The following AGBL4 variants were observed in gnomAD, a reference collection of about 807,000 sequenced individuals.
AGBL4 encodes the protein cytosolic carboxypeptidase 6.
A neutral mutation model predicts 66.4 loss-of-function variants in AGBL4; 58 were observed. The ratio of observed to expected loss-of-function variants is 0.87; its 90% CI spans 0.71 to 1.09. The LOEUF (loss-of-function observed/expected upper bound fraction) is 1.09. AGBL4 is among the 50% of genes least tolerant of loss of function. AGBL4 has a pLI of 0.00. For synonymous variants in AGBL4, 234 were observed against 222.9 expected, an observed-to-expected ratio of 1.05 and a Z score of -0.44; for missense variants, 579 against 631.0, an observed-to-expected ratio of 0.92 and a Z score of 0.88.
At chr1:49,791,562 C>A (rs1379889314) in intron 2 of AGBL4, among the ~76,000 whole-genome samples, 1 of 152,036 alleles carries the variant, frequency 6.6e-6, no homozygotes, top group Non-Finnish European at 1.5e-5. Context: ...ACTACATAAT[C>A]TAATCCTTGT....
Position 48,665,160 on chromosome 1 carries a change from T to A in AGBL4, c.635-1919A>T, listed in dbSNP as rs940032805. Reference sequence around the variant, plus strand: ...CCCTGAAAGGCAGCAAGAAATATCATGGAACCAAAATATAGTCTTGAGAAC... The same window carrying A: ...CCCTGAAAGGCAGCAAGAAATATCAAGGAACCAAAATATAGTCTTGAGAAC... On this transcript the variant is annotated intron_variant, in intron 6 of 13. Transcript: ENST00000371839. 3.3e-5 allele frequency among the ~76,000 whole-genome samples: 5 copies of A among 152,298 alleles called. No homozygotes were observed. The South Asian group carries it at 8.3e-4, about 25-fold the overall frequency.
At chr1:48,590,176 G>A (rs542343974) in intron 10 of AGBL4, among the ~76,000 whole-genome samples, 28 of 152,182 alleles carry the variant, frequency 1.8e-4, no homozygotes, top group African/African-American at 5.8e-4. Flanking sequence ...AGGCCGAGGC[G>A]GGCGGATCAC....
intron 6 of AGBL4, among the ~76,000 whole-genome samples, chr1:48,834,703 G>A (rs775568012): frequency 1.3e-5 from 2 of 152,170 alleles, no homozygotes; most frequent in Non-Finnish European, 2.9e-5. Flanking sequence ...AATGTTTGTT[G>A]TTTAAGCCAC....
intron 1 of AGBL4, among the ~76,000 whole-genome samples, chr1:49,875,491 A>AT (rs1203679930): frequency 1.4e-5 from 2 of 145,102 alleles, no homozygotes; most frequent in Non-Finnish European, 3.0e-5. Flanking sequence ...TGAACTCATC[A>AT]TTTTTTATGG....
chr1:48,935,994 A>G (rs532262600), intron 5 of AGBL4, among the ~76,000 whole-genome samples: 458 of 137,040 alleles, frequency 3.3e-3, no homozygotes, highest in Non-Finnish European at 5.1e-3. Flanking sequence ...AAAAAAAAAA[A>G]AGATACAAGA....
At chr1:48,819,607 T>G (rs966574678) in intron 6 of AGBL4, among the ~76,000 whole-genome samples, 1 of 152,136 alleles carries the variant, frequency 6.6e-6, no homozygotes, top group African/African-American at 2.4e-5. Context: ...CTGGTGAAAG[T>G]TGCAAAGTGT....
In AGBL4 at chr1:49,517,590, C is replaced by T. The variant is rs557714703; in HGVS notation, c.282+179723G>A. Among the ~76,000 whole-genome samples, 12 of 151,978 alleles carry T rather than the reference C, an allele frequency of 7.9e-5. No individual in the cohort carries two copies. In the South Asian group the frequency reaches 1.2e-3, roughly 16 times the overall value. ...TATAAGCCAGGCACTATGCTAGGAGCGTTCAGAAGTACTGTCTCACTTAAT... is the reference window on the plus strand; with the variant it reads ...TATAAGCCAGGCACTATGCTAGGAGTGTTCAGAAGTACTGTCTCACTTAAT... On this transcript the variant is annotated intron_variant, in intron 3 of 13. Transcript: ENST00000371839.
Position 50,001,507 on chromosome 1 carries a change from G to GTGTA in AGBL4, c.34+22255_34+22256insTACA, listed in dbSNP as rs144388144. 4.3e-4 allele frequency among the ~76,000 whole-genome samples: 63 copies of GTGTA among 147,696 alleles called. No homozygotes were observed. In the East Asian group the frequency reaches 5.9e-3, roughly 14 times the overall value. ...TATACATATATATGTATGTGTGTGT[G>GTGTA]TATATATATATATATATGAATGTAT... is the stretch of plus-strand genomic sequence containing the variant. On this transcript the variant is annotated intron_variant, in intron 1 of 13. Coordinates refer to ENST00000371839, the MANE Select transcript of AGBL4 (RefSeq NM_032785.4).
intron 2 of AGBL4, among the ~76,000 whole-genome samples, chr1:49,786,099 A>G (rs1394845806): frequency 6.6e-6 from 1 of 152,066 alleles, no homozygotes; most frequent in Non-Finnish European, 1.5e-5. Context: ...TTTCTGGATT[A>G]CAAGAATAGC....
intron 3 of AGBL4, among the ~76,000 whole-genome samples, chr1:49,651,581 C>G (rs556495885): frequency 2.0e-5 from 3 of 152,198 alleles, no homozygotes; most frequent in African/African-American, 7.2e-5. Flanking sequence ...AGCCACCACA[C>G]AAAAGCTACC....
At chr1:49,216,916 TCCC>T (rs1215171279) in intron 4 of AGBL4, among the ~76,000 whole-genome samples, 1 of 152,048 alleles carries the variant, frequency 6.6e-6, no homozygotes, top group Middle Eastern at 3.2e-3. Context: ...ACCGTATGGC[TCCC>T]CCTCGGTCCT....
chr1:48,976,085 G>A (rs191040054), intron 5 of AGBL4, among the ~76,000 whole-genome samples: 6 of 152,246 alleles, frequency 3.9e-5, no homozygotes, highest in African/African-American at 1.4e-4. Flanking sequence ...TTGGAATATT[G>A]TTATCAGGGA....
intron 5 of AGBL4, among the ~76,000 whole-genome samples, chr1:48,945,913 T>C (rs1656463731): frequency 6.6e-6 from 1 of 152,226 alleles, no homozygotes; most frequent in African/African-American, 2.4e-5. Flanking sequence ...GAGAATTCAA[T>C]GAGTTAATAT....
chr1:48,894,367 G>A (rs1198660870), intron 5 of AGBL4, among the ~76,000 whole-genome samples: 1 of 152,148 alleles, frequency 6.6e-6, no homozygotes, highest in African/African-American at 2.4e-5. Flanking sequence ...AGTACACACA[G>A]TTAATAATGT....
intron 4 of AGBL4, among the ~76,000 whole-genome samples, chr1:49,059,028 G>A (rs1347436446): frequency 6.6e-6 from 1 of 152,204 alleles, no homozygotes; most frequent in African/African-American, 2.4e-5. Context: ...CATTTTCTGG[G>A]GAGAAATTCA....
intron 3 of AGBL4, among the ~76,000 whole-genome samples, chr1:49,586,866 A>T (rs1644658166): frequency 6.6e-6 from 1 of 152,170 alleles, no homozygotes; most frequent in East Asian, 1.9e-4. Flanking sequence ...CATACACCAG[A>T]GTGTCCCTCA....
At chr1:49,316,130 G>C (rs558255643) in intron 3 of AGBL4, among the ~76,000 whole-genome samples, 9 of 151,902 alleles carry the variant, frequency 5.9e-5, no homozygotes, top group Non-Finnish European at 1.2e-4. Flanking sequence ...ACGAATAGGT[G>C]GAGCATAGGG....
chr1:49,883,561 T>C (rs2148149160), intron 1 of AGBL4, among the ~76,000 whole-genome samples: 1 of 152,204 alleles, frequency 6.6e-6, no homozygotes, highest in Admixed American at 6.5e-5. Flanking sequence ...TATGACATAA[T>C]GCTTGGCACA....
intron 2 of AGBL4, among the ~76,000 whole-genome samples, chr1:49,768,061 C>A (rs1643943651): frequency 6.6e-6 from 1 of 151,718 alleles, no homozygotes; most frequent in Non-Finnish European, 1.5e-5. Flanking sequence ...GAGCCCTAGA[C>A]CTGATGGATT....
Sources: allele counts gnomAD v4.1 joint callset (sites outside exome capture counted in the v4.1 genomes callset), GRCh38; gene constraint gnomAD v4.1.1; transcripts MANE v1.5; gene names NCBI Gene and HGNC (gene_info 2026-07-23, HGNC 2026-07-21).